TNPO3: variants seen among roughly 807,000 people sequenced by gnomAD.
TNPO3 encodes the protein transportin-3.
A neutral mutation model predicts 122.8 loss-of-function variants in TNPO3; 65 were observed. The ratio of observed to expected loss-of-function variants is 0.53; its 90% CI spans 0.43 to 0.65. TNPO3 has a LOEUF of 0.65. Ranked by LOEUF, TNPO3 falls within the 30% of genes least tolerant of loss-of-function variation. TNPO3 has a pLI of 0.00. For synonymous variants in TNPO3, 372 were observed against 411.2 expected (o/e 0.90, Z 1.15); for missense variants, 850 against 1,136.7 (o/e 0.75, Z 3.63).
chr7:128,957,640 T>C (rs1009660864), intron 21 of TNPO3, among the ~76,000 whole-genome samples: 1 of 152,214 alleles, frequency 6.6e-6, no homozygotes, highest in Admixed American at 6.5e-5. Context: ...ATCTACTTCA[T>C]AACACTGTTT....
intron 8 of TNPO3, 144 bp from the exon 9 acceptor site, chr7:128,994,058 T>C: frequency 1.5e-6 from 1 of 668,152 alleles, no homozygotes. Context: ...TATTTTATTT[T>C]AGACAGAGGG....
intron 21 of TNPO3, among the ~76,000 whole-genome samples, chr7:128,960,681 C>G (rs1205188750): frequency 6.6e-6 from 1 of 151,292 alleles, no homozygotes; most frequent in Non-Finnish European, 1.5e-5. Flanking sequence ...GGTGTTATTA[C>G]AAAGGAGTCC....
chr7:129,055,973 C>T (rs1809419845), upstream of TNPO3: 2 of 732,822 alleles, frequency 2.7e-6, no homozygotes, highest in East Asian at 2.7e-5. Flanking sequence ...TAATAAAACC[C>T]GTTTTAGGCG....
At chr7:129,016,637 A>G (rs543582499) in intron 3 of TNPO3, among the ~76,000 whole-genome samples, 17 of 152,342 alleles carry the variant, frequency 1.1e-4, no homozygotes, top group African/African-American at 3.8e-4. Context: ...AAGAACACAT[A>G]TTCATAACAA....
intron 1 of TNPO3, among the ~76,000 whole-genome samples, chr7:129,034,423 T>TCCCAACTC (rs1238997222): frequency 6.6e-6 from 1 of 151,976 alleles, no homozygotes; most frequent in Non-Finnish European, 1.5e-5. Flanking sequence ...GGAGTACTGC[T>TCCCAACTC]TGAGCCCAGG....
chr7:128,974,377 G>A (rs1314080990), intron 18 of TNPO3, among the ~76,000 whole-genome samples: 2 of 149,404 alleles, frequency 1.3e-5, no homozygotes, highest in African/African-American at 4.9e-5. Context: ...CAGAAGTTTG[G>A]CAATCATATT....
At chr7:129,010,737 G>C (rs1045796969) in intron 4 of TNPO3, among the ~76,000 whole-genome samples, 1 of 152,100 alleles carries the variant, frequency 6.6e-6, no homozygotes, top group Non-Finnish European at 1.5e-5. Flanking sequence ...ATATATTCTA[G>C]CCCAAAATAT....
In TNPO3 at chr7:128,967,291, C is replaced by T; in HGVS notation, c.2700G>A (p.Lys900=). ...VTHKQLTDFH[K]QVTSAEECKQ... ...CCAGTATCACTCACCTAGTGACTTG[C>T]TTGTGGAAGTCTGTAAGTTGTTTGT... Residue 900 remains lysine, a synonymous_variant, in exon 21 of 23, where the codon AAG becomes AAA. Coordinates refer to ENST00000265388, the MANE Select transcript of TNPO3 (RefSeq NM_012470.4). The T allele has an allele frequency of 1.2e-6, 2 of 1,610,756 alleles. No homozygotes were observed. The highest frequency in any genetic ancestry group is 2.2e-5 in the East Asian group (1 of 44,852).
intron 1 of TNPO3, among the ~76,000 whole-genome samples, chr7:129,027,983 C>T (rs1805460303): frequency 6.6e-6 from 1 of 152,160 alleles, no homozygotes; most frequent in South Asian, 2.1e-4. Flanking sequence ...TCATATAAAA[C>T]ATCTTTTCTG....
chr7:128,994,244 G>A (rs1163469011), intron 8 of TNPO3, among the ~76,000 whole-genome samples: 1 of 151,410 alleles, frequency 6.6e-6, no homozygotes, highest in Non-Finnish European at 1.5e-5. Context: ...TGCACCCTCC[G>A]CCTCCCAGGT....
At chr7:129,023,010 A>G (rs1443455582) in intron 1 of TNPO3, among the ~76,000 whole-genome samples, 1 of 152,236 alleles carries the variant, frequency 6.6e-6, no homozygotes, top group Non-Finnish European at 1.5e-5. Flanking sequence ...GTACAGATAC[A>G]GTGTGGAAGA....
chr7:128,964,311 G>T (rs1160175531), intron 21 of TNPO3, among the ~76,000 whole-genome samples: 1 of 149,170 alleles, frequency 6.7e-6, no homozygotes, highest in African/African-American at 2.5e-5. Flanking sequence ...AATTTCAAGG[G>T]TCCCCAAGTG....
In TNPO3 at chr7:129,000,492, T is replaced by C; in HGVS notation, c.948A>G (p.Gln316=). 1.9e-6 allele frequency: 3 copies of C among 1,614,158 alleles called. No homozygotes were observed. Among genetic ancestry groups the C allele is most frequent in the South Asian group, 2.2e-5 (2 of 91,080 alleles). Residue 316 remains glutamine (Q), a synonymous_variant, in exon 7 of 23, where the codon CAA becomes CAG. Transcript: ENST00000265388. ...FLEKIVCTPG[Q]GLGDLRTLEL... ...CCAGAGTTCGAAGGTCCCCAAGACC[T>C]TGGCCTGGAGTACAAACAATTTTTT... is the stretch of plus-strand genomic sequence containing the variant.
Position 128,986,847 on chromosome 7 carries a change from A to G in TNPO3, c.1572T>C (p.His524=). 2 of 1,614,112 alleles carry G rather than the reference A, an allele frequency of 1.2e-6. No homozygotes were observed. The highest frequency in any genetic ancestry group is 8.5e-7 in the Non-Finnish European group (1 of 1,180,004). The change falls in exon 12 of 23, where the codon CAT becomes CAC. Residue 524 remains histidine, a synonymous_variant. Coordinates refer to ENST00000265388, the MANE Select transcript of TNPO3 (RefSeq NM_012470.4). ...GATCTCGGCAGACAGAGCAAATGTT[A>G]TGAATGGCTTTGGCTGCAGCAGAAG... ...PLASAAAKAI[H]NICSVCRDHM... is the part of the protein sequence containing the mutation.
intron 9 of TNPO3, among the ~76,000 whole-genome samples, chr7:128,992,947 T>C (rs1800903645): frequency 6.6e-6 from 1 of 152,152 alleles, no homozygotes; most frequent in South Asian, 2.1e-4. Flanking sequence ...AGAGATGAGC[T>C]GAAATCTGAG....
At chr7:129,054,176 C>A (rs1339757836) in intron 1 of TNPO3, among the ~76,000 whole-genome samples, 1 of 152,130 alleles carries the variant, frequency 6.6e-6, no homozygotes, top group Non-Finnish European at 1.5e-5. Context: ...GAAGAACAGA[C>A]TCAAACTGGA....
At chr7:129,056,111 G>A (rs1184880494), upstream of TNPO3, 3 of 1,100,356 alleles carry the variant, frequency 2.7e-6, no homozygotes, top group East Asian at 2.4e-5. Flanking sequence ...CTCAGAACGC[G>A]GCCACTGTGC....
chr7:129,018,412 T>G (rs563776797), intron 1 of TNPO3, among the ~76,000 whole-genome samples: 1 of 152,284 alleles, frequency 6.6e-6, no homozygotes, highest in African/African-American at 2.4e-5. Context: ...GATACAATCT[T>G]GTTGATTTGA....
At chr7:128,969,812 GAGTA>G (rs1378740955) in intron 20 of TNPO3, among the ~76,000 whole-genome samples, 2 of 152,148 alleles carry the variant, frequency 1.3e-5, no homozygotes, top group Non-Finnish European at 2.9e-5. Flanking sequence ...AATACTTCTT[GAGTA>G]ATACGTAACT....
Sources: gnomAD v4.1 joint callset for allele counts (sites outside exome capture counted in the v4.1 genomes callset) on GRCh38, gnomAD v4.1.1 for gene constraint, MANE v1.5 for transcripts, NCBI Gene and HGNC (gene_info 2026-07-23, HGNC 2026-07-21) for gene names.